Variants in MARCHF1 observed in about 807,000 individuals in gnomAD.
MARCHF1 encodes membrane associated ring-CH-type finger 1, also known as E3 ubiquitin-protein ligase MARCHF1.
A neutral mutation model predicts 54.2 loss-of-function variants in MARCHF1; 40 were observed. The observed-to-expected ratio is 0.74, with a 90% CI of 0.57 to 0.96. The LOEUF (loss-of-function observed/expected upper bound fraction) is 0.96, where lower values mean the gene tolerates loss of function less well. Among genes scored for constraint, MARCHF1 ranks in the 40% least tolerant of loss-of-function variants. The probability of loss-of-function intolerance (pLI) is 0.00; values close to 1 mark genes in which losing one functional copy is unlikely to be tolerated. For missense variants in MARCHF1, 586 were observed against 656.5 expected (o/e 0.89, Z 1.17); for synonymous variants, 236 against 236.3 (o/e 1.00, Z 0.01).
intron 3 of MARCHF1, among the ~76,000 whole-genome samples, chr4:163,863,308 G>T (rs561410140): frequency 6.6e-6 from 1 of 152,062 alleles, no homozygotes; most frequent in South Asian, 2.1e-4. Context: ...AGAAAGGAGT[G>T]CAGTCTGAAA....
At chr4:163,675,878 A>AATATC (rs1213865897) in intron 5 of MARCHF1, among the ~76,000 whole-genome samples, 1 of 152,098 alleles carries the variant, frequency 6.6e-6, no homozygotes, top group Non-Finnish European at 1.5e-5. Context: ...TTTTCTTTAA[A>AATATC]ATATCTCTTC....
Position 163,525,650 on chromosome 4 carries a change from T to C in MARCHF1, c.*3098A>G, listed in dbSNP as rs533131787. On this transcript the variant is annotated 3_prime_UTR_variant, in exon 10 of 10. Coordinates refer to ENST00000514618, the MANE Select transcript of MARCHF1 (RefSeq NM_001394959.1). The stretch of plus-strand genomic sequence containing the variant: ...TGTCTGGTTTAATACTGAAGATTCA[T>C]GATTATAAAGAGCCAAGGTTTTTAA... The C allele has an allele frequency of 1.2e-4, 16 of 137,908 alleles. No individual in the cohort carries two copies. Among genetic ancestry groups the C allele is most frequent in the South Asian group, 2.3e-4 (1 of 4,378 alleles). The allele number at this position is 137,908 out of a possible 1,614,324, so 8.5% of individuals were successfully genotyped here.
At chr4:164,244,659 G>A (rs1233100639) in intron 1 of MARCHF1, among the ~76,000 whole-genome samples, 3 of 150,870 alleles carry the variant, frequency 2.0e-5, no homozygotes, top group Non-Finnish European at 4.4e-5. Context: ...AAAAATTAAT[G>A]AATCCAGGAG....
chr4:163,651,487 T>G (rs1361268640), intron 5 of MARCHF1, among the ~76,000 whole-genome samples: 1 of 151,592 alleles, frequency 6.6e-6, no homozygotes, highest in Non-Finnish European at 1.5e-5. Flanking sequence ...CACTGCCTCT[T>G]TAATTCCTGC....
chr4:163,782,116 GA>G (rs11311345), intron 4 of MARCHF1, among the ~76,000 whole-genome samples: 116,181 of 149,136 alleles, frequency 0.78, 47,267 homozygotes, highest in East Asian at 0.93. Context: ...TAACTGCCCA[GA>G]AAAAAAAAAA....
chr4:163,611,821 C>A (rs3792614), intron 7 of MARCHF1, among the ~76,000 whole-genome samples: 10,883 of 152,074 alleles, frequency 0.072, 710 homozygotes, highest in East Asian at 0.19. Context: ...AATTGGAGAA[C>A]AAATTAAAGC....
intron 4 of MARCHF1, among the ~76,000 whole-genome samples, chr4:163,810,621 T>C (rs1041663648): frequency 6.6e-6 from 1 of 152,220 alleles, no homozygotes; most frequent in Non-Finnish European, 1.5e-5. Flanking sequence ...GTTAAAATTA[T>C]AATTGAAGTC....
chr4:164,335,937 A>T (rs1729728858), intron 1 of MARCHF1, among the ~76,000 whole-genome samples: 1 of 152,146 alleles, frequency 6.6e-6, no homozygotes, highest in Non-Finnish European at 1.5e-5. Context: ...AGGCAAGCTT[A>T]GTATGCTATC....
chr4:164,324,966 AT>A (rs1735234197), intron 1 of MARCHF1, among the ~76,000 whole-genome samples: 1 of 151,956 alleles, frequency 6.6e-6, no homozygotes, highest in South Asian at 2.1e-4. Flanking sequence ...TATGAAAAAA[AT>A]AAATTTCCAA....
At chr4:164,139,158 C>T (rs766086231) in intron 1 of MARCHF1, among the ~76,000 whole-genome samples, 4 of 151,990 alleles carry the variant, frequency 2.6e-5, no homozygotes, top group East Asian at 1.9e-4. Context: ...GTTAATAACA[C>T]AGAAAATCTC....
intron 1 of MARCHF1, among the ~76,000 whole-genome samples, chr4:164,115,418 G>A (rs1420260040): frequency 6.6e-6 from 1 of 151,968 alleles, no homozygotes; most frequent in Non-Finnish European, 1.5e-5. Flanking sequence ...TTTGATTTTG[G>A]CAAGGCAAAT....
chr4:163,685,863 A>G (rs1744254516), intron 5 of MARCHF1, among the ~76,000 whole-genome samples: 1 of 152,212 alleles, frequency 6.6e-6, no homozygotes. Flanking sequence ...AAGAAAAGTC[A>G]GAGAGGATTA....
At chr4:164,116,073 T>A (rs908172059) in intron 1 of MARCHF1, among the ~76,000 whole-genome samples, 1 of 152,154 alleles carries the variant, frequency 6.6e-6, no homozygotes, top group Non-Finnish European at 1.5e-5. Context: ...AAACTTTAGA[T>A]GATATTGATA....
intron 2 of MARCHF1, among the ~76,000 whole-genome samples, chr4:164,096,234 C>A (rs1296703005): frequency 6.6e-6 from 1 of 152,082 alleles, no homozygotes. Context: ...TACTATGCAG[C>A]CATAAAAAGA....
intron 3 of MARCHF1, among the ~76,000 whole-genome samples, chr4:163,862,953 G>A (rs1042012881): frequency 1.8e-4 from 28 of 151,930 alleles, no homozygotes; most frequent in African/African-American, 6.5e-4. Flanking sequence ...CATTAAAAAA[G>A]CCAAACTGAA....
Position 164,199,681 on chromosome 4 carries a change from CAGAGAGAGAG to C in MARCHF1, c.-322-88029_-322-88020del, listed in dbSNP as rs70952609. Among the ~76,000 whole-genome samples, 397 of 47,636 alleles carry C rather than the reference CAGAGAGAGAG, an allele frequency of 8.3e-3. 1 individual carries two copies. Among genetic ancestry groups the C allele is most frequent in the African/African-American group, 0.018 (208 of 11,862 alleles). The allele number at this position is 47,636 out of a possible 152,430, so 31.3% of individuals were successfully genotyped here. A position where few individuals can be genotyped will look rare whatever the true frequency, so the allele number is the denominator to read the frequency against. On this transcript the variant is annotated intron_variant, in intron 1 of 9. Transcript: ENST00000514618. ...ACACACACACACACACACACACACA[CAGAGAGAGAG>C]AGAGAGAGAGAGAGAGAGAGAAGAG...
intron 2 of MARCHF1, among the ~76,000 whole-genome samples, chr4:164,028,673 C>T (rs1198602747): frequency 6.6e-6 from 1 of 152,064 alleles, no homozygotes; most frequent in East Asian, 1.9e-4. Flanking sequence ...ACCTCAATAT[C>T]ATACAATATA....
At chr4:163,700,061 T>C (rs1340028861) in intron 5 of MARCHF1, among the ~76,000 whole-genome samples, 1 of 151,858 alleles carries the variant, frequency 6.6e-6, no homozygotes, top group Non-Finnish European at 1.5e-5. Flanking sequence ...GTGACAAAAA[T>C]AGTTAAATTC....
At chr4:164,148,650 A>T (rs1162994036) in intron 1 of MARCHF1, among the ~76,000 whole-genome samples, 1 of 152,178 alleles carries the variant, frequency 6.6e-6, no homozygotes, top group African/African-American at 2.4e-5. Flanking sequence ...TATTGTTATA[A>T]GAAAAATTCT....
Sources: gnomAD v4.1 joint callset for allele counts (sites outside exome capture counted in the v4.1 genomes callset) on GRCh38, gnomAD v4.1.1 for gene constraint, MANE v1.5 for transcripts, NCBI Gene and HGNC (gene_info 2026-07-23, HGNC 2026-07-21) for gene names.